Variants in SZT2 observed in about 807,000 individuals in gnomAD.
SZT2 encodes the protein KICSTOR complex protein SZT2.
Under a neutral mutation model 404.2 loss-of-function variants are expected in SZT2, and 216 were observed. The ratio of observed to expected loss-of-function variants is 0.53; its 90% CI spans 0.48 to 0.60. The LOEUF is 0.60. SZT2 is among the 20% of genes least tolerant of loss of function. The probability of loss-of-function intolerance (pLI) is 0.00; values close to 1 mark genes in which losing one functional copy is unlikely to be tolerated. For synonymous variants in SZT2, 1,693 were observed against 1,749.9 expected, an observed-to-expected ratio of 0.97 and a Z score of 0.81; for missense variants, 3,857 against 4,459.2, an observed-to-expected ratio of 0.86 and a Z score of 3.85.
chr1:43,445,486 T>TCGGTGGTC, intron 62 of SZT2: 1 of 233,010 alleles, frequency 4.3e-6, no homozygotes. Context: ...AGCCTGGAAC[T>TCGGTGGTC]GCCATCCCCC....
At chr1:43,438,854 C>G in intron 47 of SZT2, 37 bp downstream of exon 47, 1 of 1,611,224 alleles carries the variant, frequency 6.2e-7, no homozygotes, top group Non-Finnish European at 8.5e-7. Flanking sequence ...CCTTCCCAGA[C>G]TCAGCCACAG....
At position 43,450,088 on chromosome 1, in the gene SZT2, C is replaced by T. The variant is rs41270365; in HGVS notation, c.10087-15C>T. On this transcript the variant is annotated splice_polypyrimidine_tract_variant and intron_variant, in intron 70 of 71. Coordinates refer to ENST00000634258, the MANE Select transcript of SZT2 (RefSeq NM_001365999.1). The surrounding 1 kb of genome is among the most constrained non-coding windows in gnomAD (Gnocchi z 4.3). Reference sequence around the variant, plus strand: ...GTCTGTAGGGTCTGTGTCCCCTCCTCATCTTTCACTGCAGGTTGTGCTGAA... The same window carrying T: ...GTCTGTAGGGTCTGTGTCCCCTCCTTATCTTTCACTGCAGGTTGTGCTGAA... 23 of 1,614,122 alleles carry T rather than the reference C, an allele frequency of 1.4e-5. No individual in the cohort carries two copies. The highest frequency in any genetic ancestry group is 3.3e-5 in the Admixed American group (2 of 60,024).
rs193194345 is a variant in SZT2 at position 43,398,701 on chromosome 1, C to T, written c.28-4476C>T. On this transcript the variant is annotated intron_variant, in intron 1 of 71. Transcript: ENST00000634258. ...CCCTTTTCTGTTTTTAGGAGCATGG[C>T]GATAAGAGTGTACAATTTGATGGGA... 4.7e-4 allele frequency among the ~76,000 whole-genome samples: 72 copies of T among 152,208 alleles called. 1 individual carries two copies. Among genetic ancestry groups the T allele is most frequent in the Admixed American group, 1.6e-3 (24 of 15,286 alleles).
chr1:43,436,007 A>G (rs1430180221), intron 42 of SZT2: 1 of 152,256 alleles, frequency 6.6e-6, no homozygotes, highest in Non-Finnish European at 1.5e-5. Flanking sequence ...CTGTTCCTCC[A>G]GACAGGCAGC....
Position 43,447,841 on chromosome 1 carries a change from C to T in SZT2, c.9441-8C>T. The stretch of plus-strand genomic sequence containing the variant: ...AGAGTTGACATCTCCCCAACCCGTC[C>T]TGCACAGTTCTGGCTCCTACCTGGA... On this transcript the variant is annotated splice_polypyrimidine_tract_variant and splice_region_variant and intron_variant, in intron 67 of 71. Coordinates refer to ENST00000634258, the MANE Select transcript of SZT2 (RefSeq NM_001365999.1). 1 of 1,614,070 alleles carries T rather than the reference C, an allele frequency of 6.2e-7. No homozygotes were observed. The highest frequency in any genetic ancestry group is 8.5e-7 in the Non-Finnish European group (1 of 1,180,014).
chr1:43,390,564 GTGTGT>G (rs1174758706), intron 1 of SZT2, among the ~76,000 whole-genome samples: 2 of 152,196 alleles, frequency 1.3e-5, no homozygotes, highest in African/African-American at 4.8e-5. Flanking sequence ...CTGTCTTATA[GTGTGT>G]TGTGAGAATC....
chr1:43,425,279 C>T lies in SZT2; in HGVS notation c.2645+72C>T. 2.5e-6 allele frequency: 4 copies of T among 1,572,612 alleles called. No individual in the cohort carries two copies. Among genetic ancestry groups the T allele is most frequent in the Non-Finnish European group, 2.6e-6 (3 of 1,148,892 alleles). On this transcript the variant is annotated intron_variant, in intron 18 of 71. Transcript: ENST00000634258. The surrounding 1 kb of genome is among the most constrained non-coding windows in gnomAD (Gnocchi z 4.3). ...TCCCCACCATCCCCTAGAGGTCTGG[C>T]TCCCATATCCTGAGATGATCTTGAT...
At chr1:43,414,063 C>T (rs1651408068) in intron 4 of SZT2, among the ~76,000 whole-genome samples, 1 of 152,044 alleles carries the variant, frequency 6.6e-6, no homozygotes, top group Admixed American at 6.6e-5. Flanking sequence ...GGGTGGATCA[C>T]TTGAGGCCAG....
At chr1:43,432,907 G>A (rs1057202785) in intron 39 of SZT2, 82 bp from the exon 40 acceptor site, 3 of 1,589,608 alleles carry the variant, frequency 1.9e-6, no homozygotes, top group Non-Finnish European at 2.6e-6. Context: ...AATCTGAAGT[G>A]CATCAAGCCA....
intron 42 of SZT2, chr1:43,436,815 A>G (rs774565033): frequency 1.6e-5 from 4 of 246,594 alleles, no homozygotes; most frequent in Non-Finnish European, 3.1e-5. Flanking sequence ...TACTGTTGCA[A>G]CTCCCTGGAG....
chr1:43,445,965 A>G lies in SZT2; in HGVS notation c.8897A>G (p.Lys2966Arg), dbSNP rs1321700327. 5 of 1,614,142 alleles carry G rather than the reference A, an allele frequency of 3.1e-6. No individual in the cohort carries two copies. The highest frequency in any genetic ancestry group is 4.2e-6 in the Non-Finnish European group (5 of 1,179,998). Residue 2966 changes from lysine (K) to arginine (R), a missense_variant, in exon 63 of 72, where the codon AAG becomes AGG. Physicochemically the swap from Lys to Arg is conservative, Grantham distance 26. Coordinates refer to ENST00000634258, the MANE Select transcript of SZT2 (RefSeq NM_001365999.1). ...GRGSFSCPKTKTDGSPKSTSS... is the reference protein window; with the variant it reads ...GRGSFSCPKTRTDGSPKSTSS... ...GGCTCCTTCTCCTGCCCTAAAACCA[A>G]GACTGATGGGAGCCCCAAGGTAACT...
intron 8 of SZT2, 36 bp downstream of exon 8, chr1:43,419,980 G>T: frequency 6.3e-7 from 1 of 1,595,580 alleles, no homozygotes; most frequent in South Asian, 1.1e-5. Flanking sequence ...GGGAAGGAGG[G>T]AATATAGAAT....
At chr1:43,409,872 A>C (rs974203381) in intron 4 of SZT2, 1 of 152,406 alleles carries the variant, frequency 6.6e-6, no homozygotes. Context: ...TTCCTATCAA[A>C]ATACCAATGA....
At chr1:43,394,918 T>C (rs1648816815) in intron 1 of SZT2, among the ~76,000 whole-genome samples, 1 of 151,834 alleles carries the variant, frequency 6.6e-6, no homozygotes, top group Non-Finnish European at 1.5e-5. Flanking sequence ...AATATAGTTG[T>C]TGACTTTGAA....
At chr1:43,447,735 G>A in intron 67 of SZT2, 37 bp downstream of exon 67, 3 of 1,611,168 alleles carry the variant, frequency 1.9e-6, no homozygotes, top group Non-Finnish European at 2.5e-6. Context: ...GCACGCTGCA[G>A]GAGCTGGGGT....
rs1251177004 is a variant in SZT2 at position 43,448,554 on chromosome 1, G to A, written c.9970-58G>A. 1.2e-6 allele frequency: 2 copies of A among 1,613,268 alleles called. No homozygotes were observed. The highest frequency in any genetic ancestry group is 1.3e-5 in the African/African-American group (1 of 74,916). On this transcript the variant is annotated intron_variant, in intron 69 of 71. Transcript: ENST00000634258. This position sits in a 1 kb window ranked among gnomAD's most constrained non-coding sequence, Gnocchi z 4.2. The stretch of plus-strand genomic sequence containing the variant: ...AATTCCACTGGCAGCCAGGGCAGAG[G>A]GCACAGGAATCTGAGGTGACTGGCA...
intron 7 of SZT2, among the ~76,000 whole-genome samples, chr1:43,417,497 T>G (rs1231405554): frequency 6.6e-6 from 1 of 152,186 alleles, no homozygotes; most frequent in Non-Finnish European, 1.5e-5. Context: ...GTGCCTGTGG[T>G]TCAACACAGA....
Position 43,404,515 on chromosome 1 carries a change from G to A in SZT2, c.463G>A (p.Ala155Thr), listed in dbSNP as rs2153929828. ...GCCTGAGATCTATGTAACTATCCAG[G>A]CCTACTCCTCCATCATTGGACTGCA... is the stretch of plus-strand genomic sequence containing the variant. Reference protein sequence around the residue: ...FQPEIYVTIQAYSSIIGLQSH... With the variant: ...FQPEIYVTIQTYSSIIGLQSH... The change falls in exon 4 of 72, where the codon GCC (alanine) becomes ACC (threonine). Residue 155 changes from alanine (A) to threonine (T), a missense_variant. Around this residue, in one of 7 missense-constraint regions of SZT2, gnomAD observed 536 missense variants for 637.4 expected, o/e 0.84. Transcript: ENST00000634258. 1 of 1,613,766 alleles carries A rather than the reference G, an allele frequency of 6.2e-7. No individual in the cohort carries two copies. Among genetic ancestry groups the A allele is most frequent in the Non-Finnish European group, 8.5e-7 (1 of 1,179,956 alleles).
At position 43,442,089 on chromosome 1, in the gene SZT2, T is replaced by C; in HGVS notation, c.7832T>C (p.Leu2611Pro). Residue 2611 changes from leucine (L) to proline (P), a missense_variant, in exon 56 of 72, where the codon CTG becomes CCG. Around this residue, in one of 7 missense-constraint regions of SZT2, gnomAD observed 573 missense variants for 592.4 expected, o/e 0.97. Coordinates refer to ENST00000634258, the MANE Select transcript of SZT2 (RefSeq NM_001365999.1). This position sits in a 1 kb window ranked among gnomAD's most constrained non-coding sequence, Gnocchi z 4.5. ...RPAAERHLLL[L>P]GRNFLQWRRP... ...GCAGCTGAGCGGCATCTGCTGCTTC[T>C]GGGAAGGAACTTCTTGCAGTGGAGG... 1 of 1,604,882 alleles carries C rather than the reference T, an allele frequency of 6.2e-7. No homozygotes were observed. The highest frequency in any genetic ancestry group is 8.5e-7 in the Non-Finnish European group (1 of 1,175,930).
Sources: allele counts gnomAD v4.1 joint callset (sites outside exome capture counted in the v4.1 genomes callset), GRCh38; gene constraint gnomAD v4.1.1; regional missense constraint gnomAD v4.1.1; non-coding constraint Gnocchi (gnomAD v3.1); transcripts MANE v1.5; gene names NCBI Gene and HGNC (gene_info 2026-07-23, HGNC 2026-07-21).